The following ADGRL2 variants were observed in gnomAD, a reference collection of about 807,000 sequenced individuals.
ADGRL2 encodes adhesion G protein-coupled receptor L2.
ADGRL2 carries 44 observed loss-of-function variants against 157.4 expected under a neutral mutation model. That is an observed-to-expected ratio of 0.28 (90% CI 0.22 to 0.36). The LOEUF (loss-of-function observed/expected upper bound fraction) is 0.36. Ranked by LOEUF, ADGRL2 falls within the 10% of genes least tolerant of loss-of-function variation. ADGRL2 has a pLI of 1.00. For missense variants in ADGRL2, 1,510 were observed against 1,768.9 expected (o/e 0.85, Z 2.63); for synonymous variants, 585 against 624.7 (o/e 0.94, Z 0.95).
chr1:81,814,864 A>C (rs1350669773), intron 1 of ADGRL2, among the ~76,000 whole-genome samples: 2 of 151,650 alleles, frequency 1.3e-5, no homozygotes, highest in African/African-American at 2.4e-5. Context: ...TTAGAATATC[A>C]AGTTTGTTAT....
chr1:81,571,588 T>C (rs1239120496), intron 2 of ADGRL2, among the ~76,000 whole-genome samples: 2 of 151,694 alleles, frequency 1.3e-5, no homozygotes, highest in African/African-American at 4.8e-5. Flanking sequence ...CATAAAATAT[T>C]GTACAATTTT....
At chr1:81,645,207 T>C (rs529533307) in intron 3 of ADGRL2, among the ~76,000 whole-genome samples, 63 of 151,908 alleles carry the variant, frequency 4.1e-4, no homozygotes, top group Non-Finnish European at 7.1e-4. Context: ...CTGGGCAACA[T>C]AGCAAACTAT....
intron 2 of ADGRL2, among the ~76,000 whole-genome samples, chr1:81,509,086 G>A (rs1478231366): frequency 6.6e-6 from 1 of 152,012 alleles, no homozygotes; most frequent in Admixed American, 6.6e-5. Flanking sequence ...TTCAACCACT[G>A]CCACATTCCT....
rs754359974 is a variant in ADGRL2 at position 81,993,529 on chromosome 1, A to G, written c.*2384A>G. 1.3e-5 allele frequency among the ~76,000 whole-genome samples: 2 copies of G among 152,142 alleles called. No individual in the cohort carries two copies. The highest frequency in any genetic ancestry group is 2.9e-5 in the Non-Finnish European group (2 of 68,020). ...AACACTGCATCGTACCTAAATGGCT[A>G]CTGTTCTCTAACGTCTTTATCCTAT... On this transcript the variant is annotated 3_prime_UTR_variant, in exon 24 of 24. Transcript: ENST00000686636.
In ADGRL2 at chr1:81,990,569, G is replaced by A; in HGVS notation, c.3834G>A (p.Val1278=). ...AGAAAATGATCATTTCAGAATTAGT[G>A]CACAACAACTTACGGGGCAGCAGCA... is the stretch of plus-strand genomic sequence containing the variant. ...AFEKMIISEL[V]HNNLRGSSKT... The change falls in exon 24 of 24, where the codon GTG becomes GTA. Residue 1278 remains valine, a synonymous_variant. Coordinates refer to ENST00000686636, the MANE Select transcript of ADGRL2 (RefSeq NM_001366006.2). The A allele has an allele frequency of 6.2e-7, 1 of 1,614,142 alleles. No individual in the cohort carries two copies. Among genetic ancestry groups the A allele is most frequent in the Non-Finnish European group, 8.5e-7 (1 of 1,180,024 alleles).
intron 1 of ADGRL2, among the ~76,000 whole-genome samples, chr1:81,406,046 G>GA (rs1252284901): frequency 6.6e-6 from 1 of 152,114 alleles, no homozygotes; most frequent in African/African-American, 2.4e-5. Context: ...AAGAGACTTT[G>GA]AAAAATCTTT....
intron 1 of ADGRL2, among the ~76,000 whole-genome samples, chr1:81,399,612 C>T (rs1048436746): frequency 6.6e-6 from 1 of 152,106 alleles, no homozygotes; most frequent in African/African-American, 2.4e-5. Context: ...CTGAATTCTT[C>T]AGCTGCACAA....
intron 2 of ADGRL2, chr1:81,503,448 C>G: frequency 6.2e-7 from 1 of 1,612,614 alleles, no homozygotes; most frequent in Non-Finnish European, 8.5e-7. Flanking sequence ...GCGCAGAGCC[C>G]TCCACCAGCT....
At chr1:81,425,963 C>A (rs368453214) in intron 1 of ADGRL2, among the ~76,000 whole-genome samples, 1 of 152,090 alleles carries the variant, frequency 6.6e-6, no homozygotes, top group East Asian at 1.9e-4. Context: ...AACTCCTGGG[C>A]TCAGGTTGTT....
intron 2 of ADGRL2, among the ~76,000 whole-genome samples, chr1:81,497,658 T>C (rs1404000838): frequency 6.6e-6 from 1 of 152,194 alleles, no homozygotes; most frequent in Non-Finnish European, 1.5e-5. Context: ...TGTTTAACCT[T>C]TCTCTACCTC....
chr1:81,854,564 T>G (rs1187066134), intron 2 of ADGRL2, among the ~76,000 whole-genome samples: 1 of 152,194 alleles, frequency 6.6e-6, no homozygotes, highest in Non-Finnish European at 1.5e-5. Context: ...AATGAAATGT[T>G]TAAACATTTA....
chr1:81,337,490 C>A (rs1371594590), intron 1 of ADGRL2, among the ~76,000 whole-genome samples: 1 of 152,170 alleles, frequency 6.6e-6, no homozygotes, highest in Non-Finnish European at 1.5e-5. Flanking sequence ...AACAAGCCAT[C>A]CCCTTCATGA....
intron 3 of ADGRL2, among the ~76,000 whole-genome samples, chr1:81,633,055 A>G (rs2082044915): frequency 6.6e-6 from 1 of 152,230 alleles, no homozygotes; most frequent in Admixed American, 6.5e-5. Context: ...TTATCAGACC[A>G]GATGGTTCTC....
At chr1:81,819,408 AAAAGTCC>A (rs1445064494) in intron 1 of ADGRL2, among the ~76,000 whole-genome samples, 1 of 152,156 alleles carries the variant, frequency 6.6e-6, no homozygotes, top group Admixed American at 6.6e-5. Flanking sequence ...TGCATGTGTT[AAAAGTCC>A]AAAGTACCAG....
At chr1:81,850,272 CTA>C (rs1193994025) in intron 2 of ADGRL2, among the ~76,000 whole-genome samples, 3 of 151,878 alleles carry the variant, frequency 2.0e-5, no homozygotes, top group African/African-American at 7.2e-5. Flanking sequence ...CAACTCTGTT[CTA>C]TGTCTTGTCT....
chr1:81,986,878 G>GT, intron 21 of ADGRL2, 23 bp from the exon 22 acceptor site: 1 of 1,572,552 alleles, frequency 6.4e-7, no homozygotes, highest in South Asian at 1.2e-5. Flanking sequence ...CTGTTTTTTT[G>GT]TTGTTTTTTT....
chr1:81,455,983 A>C (rs2077796707), intron 2 of ADGRL2, among the ~76,000 whole-genome samples: 1 of 152,184 alleles, frequency 6.6e-6, no homozygotes, highest in Non-Finnish European at 1.5e-5. Flanking sequence ...TATAGTTGTA[A>C]GTTTCAAACT....
intron 2 of ADGRL2, among the ~76,000 whole-genome samples, chr1:81,448,045 G>C (rs112864009): frequency 0.026 from 3,963 of 151,626 alleles, 83 homozygotes; most frequent in Middle Eastern, 0.066. Flanking sequence ...TAAGTTTCCT[G>C]AGGCCTCCCA....
At chr1:81,511,810 T>A in intron 2 of ADGRL2, among the ~76,000 whole-genome samples, 1 of 152,250 alleles carries the variant, frequency 6.6e-6, no homozygotes, top group Non-Finnish European at 1.5e-5. Context: ...TTTTTTTTTC[T>A]TTAAACACTT....
Sources: gnomAD v4.1 joint callset for allele counts (sites outside exome capture counted in the v4.1 genomes callset) on GRCh38, gnomAD v4.1.1 for gene constraint, MANE v1.5 for transcripts, NCBI Gene and HGNC (gene_info 2026-07-23, HGNC 2026-07-21) for gene names.